Variants in AGAP1 observed in about 807,000 individuals in gnomAD.
AGAP1 encodes the protein ArfGAP with GTPase domain, ankyrin repeat and PH domain 1.
In AGAP1, 29 loss-of-function variants were observed where a neutral mutation model predicts 105.3. That is an observed-to-expected ratio of 0.28 (90% CI 0.21 to 0.38). The LOEUF (loss-of-function observed/expected upper bound fraction) is 0.38. Ranked by LOEUF, AGAP1 falls within the 10% of genes least tolerant of loss-of-function variation. The pLI is 1.00. For synonymous variants in AGAP1, 509 were observed against 485.9 expected, an observed-to-expected ratio of 1.05 and a Z score of -0.63; for missense variants, 998 against 1,165.1, an observed-to-expected ratio of 0.86 and a Z score of 2.09.
intron 6 of AGAP1, among the ~76,000 whole-genome samples, chr2:235,781,292 C>T (rs1313665583): frequency 1.3e-5 from 2 of 152,170 alleles, no homozygotes; most frequent in Non-Finnish European, 2.9e-5. Context: ...TTCTTTGGTG[C>T]AATAAATCTG....
chr2:235,659,822 G>A lies in AGAP1; in HGVS notation c.164-49357G>A, dbSNP rs1027853850. 4.6e-5 allele frequency among the ~76,000 whole-genome samples: 7 copies of A among 152,218 alleles called. No homozygotes were observed. Among genetic ancestry groups the A allele is most frequent in the East Asian group, 3.9e-4 (2 of 5,194 alleles). Reference sequence around the variant, plus strand: ...CCTCTGCAGATAAGCCCTCGGATGCGAAATCTGGGGAACCAGCCAGCCACC... The same window carrying A: ...CCTCTGCAGATAAGCCCTCGGATGCAAAATCTGGGGAACCAGCCAGCCACC... On this transcript the variant is annotated intron_variant, in intron 1 of 17. Transcript: ENST00000304032. The surrounding 1 kb of genome is among the most constrained non-coding windows in gnomAD (Gnocchi z 5.0).
rs2125998821 is a variant in AGAP1, at chr2:236,131,115, C to T, written c.*6993C>T. On this transcript the variant is annotated 3_prime_UTR_variant, in exon 18 of 18. Transcript: ENST00000304032. This position sits in a 1 kb window ranked among gnomAD's most constrained non-coding sequence, Gnocchi z 5.9. ...TGCAGACTTGAAAAGCATCAGTTTC[C>T]CTCCCACGGCTGGGTTTTTGTGTCT... is the stretch of plus-strand genomic sequence containing the variant. 1 of 152,398 alleles carries T rather than the reference C, an allele frequency of 6.6e-6. No individual in the cohort carries two copies. The highest frequency in any genetic ancestry group is 2.4e-5 in the African/African-American group (1 of 41,568). The allele number at this position is 152,398 out of a possible 1,614,324, so 9.4% of individuals were successfully genotyped here.
At chr2:235,819,488 C>G (rs1396252642) in intron 9 of AGAP1, among the ~76,000 whole-genome samples, 19 of 152,146 alleles carry the variant, frequency 1.2e-4, no homozygotes, top group Admixed American at 1.2e-3. Flanking sequence ...GATCCCCTTT[C>G]TAGGCACATG....
In AGAP1 at chr2:235,690,498, A is replaced by T. The variant is rs984845698; in HGVS notation, c.164-18681A>T. Among the ~76,000 whole-genome samples, 1 of 152,224 alleles carries T rather than the reference A, an allele frequency of 6.6e-6. No homozygotes were observed. Among genetic ancestry groups the T allele is most frequent in the Admixed American group, 6.5e-5 (1 of 15,282 alleles). ...AAAGGTGATAGCCAAGGAGGAAAGC[A>T]TGGTTTATTCCTAGCTTCCGGTAGA... On this transcript the variant is annotated intron_variant, in intron 1 of 17. Transcript: ENST00000304032. This position sits in a 1 kb window ranked among gnomAD's most constrained non-coding sequence, Gnocchi z 4.1.
chr2:235,494,128 G>T lies in AGAP1; in HGVS notation c.-559G>T. The T allele has an allele frequency of 1.4e-5, 2 of 145,444 alleles. No individual in the cohort carries two copies. Among genetic ancestry groups the T allele is most frequent in the South Asian group, 3.7e-4 (2 of 5,376 alleles). 9.0% of individuals were successfully genotyped at this position (145,444 alleles called of 1,614,324 possible). A position where few individuals can be genotyped will look rare whatever the true frequency, so the allele number is the denominator to read the frequency against. On this transcript the variant is annotated 5_prime_UTR_variant, in exon 1 of 18. Coordinates refer to ENST00000304032, the MANE Select transcript of AGAP1 (RefSeq NM_001037131.3). Reference sequence around the variant, plus strand: ...GCTCCGCGGCTTGCAAGGCGCCTGCGACTCGGTCCCAGGTCGGCGGGCGGC... The same window carrying T: ...GCTCCGCGGCTTGCAAGGCGCCTGCTACTCGGTCCCAGGTCGGCGGGCGGC...
At chr2:235,998,695 AGCAGTGATGATGATAGTG>A (rs2055924570) in intron 13 of AGAP1, among the ~76,000 whole-genome samples, 1 of 135,134 alleles carries the variant, frequency 7.4e-6, no homozygotes, top group Non-Finnish European at 1.6e-5. Context: ...TGGTGGTGGT[AGCAGTGATGATGATAGTG>A]GTGATGATGA....
intron 11 of AGAP1, among the ~76,000 whole-genome samples, chr2:235,915,100 T>G (rs2317013): frequency 0.77 from 117,307 of 151,412 alleles, 45,533 homozygotes; most frequent in East Asian, 0.98. Flanking sequence ...CCGCCAGTCA[T>G]TATGGGCCAT....
In AGAP1 at chr2:235,559,254, G is replaced by A. The variant is rs1435412462; in HGVS notation, c.163+64405G>A. ...TTGAAGATTTTTTAGAAACTTGCCA[G>A]CTTAGTCTTTATAAAAATACGATGA... On this transcript the variant is annotated intron_variant, in intron 1 of 17. Coordinates refer to ENST00000304032, the MANE Select transcript of AGAP1 (RefSeq NM_001037131.3). The surrounding 1 kb of genome is among the most constrained non-coding windows in gnomAD (Gnocchi z 5.7). Among the ~76,000 whole-genome samples, 1 of 152,168 alleles carries A rather than the reference G, an allele frequency of 6.6e-6. No individual in the cohort carries two copies. Among genetic ancestry groups the A allele is most frequent in the African/African-American group, 2.4e-5 (1 of 41,438 alleles).
rs898343814 is a variant in AGAP1, at chr2:235,621,126, A to G, written c.164-88053A>G. Among the ~76,000 whole-genome samples the G allele has an allele frequency of 6.6e-6, 1 of 152,128 alleles. No homozygotes were observed. The highest frequency in any genetic ancestry group is 2.4e-5 in the African/African-American group (1 of 41,446). On this transcript the variant is annotated intron_variant, in intron 1 of 17. Transcript: ENST00000304032. The surrounding 1 kb of genome is among the most constrained non-coding windows in gnomAD (Gnocchi z 4.1). The stretch of plus-strand genomic sequence containing the variant: ...AAACTCCACCTCCTAGGTTCAAGCA[A>G]TTCTCCTGCCTTGGCCTCCGGAGGA...
At position 235,721,477 on chromosome 2, in the gene AGAP1, A is replaced by ATGTGTGTGTGTGTGTG. The variant is rs57069910; in HGVS notation, c.310+3845_310+3860dup. 6.7e-6 allele frequency among the ~76,000 whole-genome samples: 1 copy of ATGTGTGTGTGTGTGTG among 149,630 alleles called. No homozygotes were observed. Among genetic ancestry groups the ATGTGTGTGTGTGTGTG allele is most frequent in the African/African-American group, 2.5e-5 (1 of 40,640 alleles). On this transcript the variant is annotated intron_variant, in intron 3 of 17. Coordinates refer to ENST00000304032, the MANE Select transcript of AGAP1 (RefSeq NM_001037131.3). The surrounding 1 kb of genome is among the most constrained non-coding windows in gnomAD (Gnocchi z 4.5). ...TTGGATTGACAGATTCCTTAATATTATGTGTGTGTGTGTGTGTGTGTGTGT... is the reference window on the plus strand; with the variant it reads ...TTGGATTGACAGATTCCTTAATATTATGTGTGTGTGTGTGTGTGTGTGTGTGTGTGTGTGTGTGTGT...
rs534583290 is a variant in AGAP1 at position 235,881,157 on chromosome 2, T to A, written c.1051-2188T>A. Among the ~76,000 whole-genome samples, 7 of 152,338 alleles carry A rather than the reference T, an allele frequency of 4.6e-5. No individual in the cohort carries two copies. The South Asian group carries it at 1.0e-3, about 23-fold the overall frequency. On this transcript the variant is annotated intron_variant, in intron 9 of 17. Transcript: ENST00000304032. ...TGCAGCCCCAAGCTGGCTCATACTT[T>A]ATTAAGTTTGTGAAACTTGGTTACG... is the stretch of plus-strand genomic sequence containing the variant.
intron 8 of AGAP1, among the ~76,000 whole-genome samples, chr2:235,802,130 G>A (rs1372949234): frequency 6.6e-6 from 1 of 152,092 alleles, no homozygotes; most frequent in Non-Finnish European, 1.5e-5. Context: ...CAGTGTCTAG[G>A]AGGAAGACTC....
intron 16 of AGAP1, among the ~76,000 whole-genome samples, chr2:236,063,238 C>T (rs1308349859): frequency 2.0e-5 from 3 of 152,114 alleles, no homozygotes; most frequent in African/African-American, 4.8e-5. Context: ...TACAGGTACC[C>T]GCCACCATTA....
intron 1 of AGAP1, among the ~76,000 whole-genome samples, chr2:235,686,643 ATAGATATATATATATATATATAT>A (rs1224977640): frequency 7.7e-5 from 3 of 39,134 alleles, no homozygotes; most frequent in African/African-American, 3.9e-4. Context: ...ATATATATAT[ATAGATATATATATATATATATAT>A]TTTTTTTTTT....
chr2:236,107,512 T>C (rs1239200828), intron 16 of AGAP1, among the ~76,000 whole-genome samples: 1 of 152,188 alleles, frequency 6.6e-6, no homozygotes, highest in East Asian at 1.9e-4. Flanking sequence ...GTGACTTGTA[T>C]CCAGGAATAT....
intron 16 of AGAP1, among the ~76,000 whole-genome samples, chr2:236,091,126 A>G (rs899397688): frequency 6.6e-6 from 1 of 152,228 alleles, no homozygotes; most frequent in African/African-American, 2.4e-5. Context: ...ACACACGTGC[A>G]TGCGTGTTTG....
intron 16 of AGAP1, among the ~76,000 whole-genome samples, chr2:236,098,310 G>C (rs1271715808): frequency 6.6e-6 from 1 of 151,990 alleles, no homozygotes; most frequent in Admixed American, 6.6e-5. Flanking sequence ...AGGTGCAGGG[G>C]CTCACACCTG....
At chr2:235,811,926 A>G (rs62190878) in intron 9 of AGAP1, among the ~76,000 whole-genome samples, 32,669 of 152,130 alleles carry the variant, frequency 0.21, 4,562 homozygotes, top group Non-Finnish European at 0.3. Context: ...CTTGCCTTGA[A>G]GAAAGGTAGG....
Position 235,663,366 on chromosome 2 carries a change from C to T in AGAP1, c.164-45813C>T, listed in dbSNP as rs141122039. Among the ~76,000 whole-genome samples the T allele has an allele frequency of 8.1e-4, 123 of 152,142 alleles. No homozygotes were observed. The highest frequency in any genetic ancestry group is 3.7e-3 in the South Asian group (18 of 4,812). ...CCCTCTGCTGAGATGGGAGCAGCAG[C>T]GTGGGGTTGGGCTTTGAACTGGCAT... On this transcript the variant is annotated intron_variant, in intron 1 of 17. Transcript: ENST00000304032. This position sits in a 1 kb window ranked among gnomAD's most constrained non-coding sequence, Gnocchi z 5.4.
Sources: gnomAD v4.1 joint callset for allele counts (sites outside exome capture counted in the v4.1 genomes callset) on GRCh38, gnomAD v4.1.1 for gene constraint, Gnocchi (gnomAD v3.1) non-coding constraint, MANE v1.5 for transcripts, NCBI Gene and HGNC (gene_info 2026-07-23, HGNC 2026-07-21) for gene names.